The following MAP3K20 variants were observed in gnomAD, a reference collection of about 807,000 sequenced individuals.
MAP3K20 encodes HCCS-4.
In MAP3K20, 40 loss-of-function variants were observed where a neutral mutation model predicts 85.7. That is an observed-to-expected ratio of 0.47 (90% CI 0.36 to 0.61). MAP3K20 has a LOEUF of 0.61. Ranked by LOEUF, MAP3K20 falls within the 20% of genes least tolerant of loss-of-function variation. The pLI is 0.00. For missense variants in MAP3K20, 817 were observed against 961.7 expected (o/e 0.85, Z 1.99); for synonymous variants, 325 against 327.7 (o/e 0.99, Z 0.09).
intron 2 of MAP3K20, among the ~76,000 whole-genome samples, chr2:173,125,082 G>A (rs1688404083): frequency 6.6e-6 from 1 of 152,194 alleles, no homozygotes; most frequent in Non-Finnish European, 1.5e-5. Context: ...AGGAGGGTAA[G>A]GTGTGGATGT....
At chr2:173,123,660 G>T (rs1490901522) in intron 2 of MAP3K20, among the ~76,000 whole-genome samples, 2 of 152,166 alleles carry the variant, frequency 1.3e-5, no homozygotes, top group Non-Finnish European at 2.9e-5. Flanking sequence ...AATTCAACCA[G>T]ATGTTCCCCT....
chr2:173,205,378 T>C (rs1683650228), intron 9 of MAP3K20, among the ~76,000 whole-genome samples: 1 of 152,080 alleles, frequency 6.6e-6, no homozygotes, highest in Non-Finnish European at 1.5e-5. Flanking sequence ...TTCTACAATA[T>C]GTTTCTTTAA....
At chr2:173,218,201 A>C (rs1684132718) in intron 11 of MAP3K20, among the ~76,000 whole-genome samples, 1 of 152,218 alleles carries the variant, frequency 6.6e-6, no homozygotes, top group Non-Finnish European at 1.5e-5. Flanking sequence ...AAAAGTCTTA[A>C]TCTTCATTAA....
At chr2:173,262,764 T>C (rs1685327012) in intron 18 of MAP3K20, among the ~76,000 whole-genome samples, 1 of 152,202 alleles carries the variant, frequency 6.6e-6, no homozygotes, top group African/African-American at 2.4e-5. Context: ...TGTCAAAGCA[T>C]TGCTTGCAAG....
At chr2:173,235,626 G>T (rs1275990474) in intron 14 of MAP3K20, among the ~76,000 whole-genome samples, 5 of 152,184 alleles carry the variant, frequency 3.3e-5, no homozygotes, top group Admixed American at 2.6e-4. Flanking sequence ...CCCTTTGGGG[G>T]TGATGAAAAT....
At chr2:173,222,099 G>T in intron 11 of MAP3K20, 1 of 909,814 alleles carries the variant, frequency 1.1e-6, no homozygotes, top group South Asian at 5.1e-5. Context: ...ATACTTGGGA[G>T]GCCAAGGCAG....
intron 2 of MAP3K20, among the ~76,000 whole-genome samples, chr2:173,161,845 A>G (rs1425356664): frequency 2.6e-5 from 4 of 152,176 alleles, no homozygotes; most frequent in South Asian, 2.1e-4. Flanking sequence ...TCGGGAGAAA[A>G]TCACAGGTCA....
chr2:173,173,939 AT>A (rs1331628568), intron 3 of MAP3K20, among the ~76,000 whole-genome samples: 1 of 152,246 alleles, frequency 6.6e-6, no homozygotes, highest in Non-Finnish European at 1.5e-5. Context: ...TTCAAAAAAA[AT>A]GAAACAAATA....
chr2:173,252,948 C>A (rs972014679), intron 16 of MAP3K20, among the ~76,000 whole-genome samples: 2 of 152,188 alleles, frequency 1.3e-5, no homozygotes, highest in Middle Eastern at 3.2e-3. Flanking sequence ...TAAGAAGATA[C>A]GAATTTATTC....
intron 16 of MAP3K20, among the ~76,000 whole-genome samples, chr2:173,252,891 T>C (rs1685071620): frequency 6.6e-6 from 1 of 152,234 alleles, no homozygotes; most frequent in South Asian, 2.1e-4. Context: ...AATCAGGATA[T>C]GTGGAAGCAG....
intron 1 of MAP3K20, among the ~76,000 whole-genome samples, chr2:173,076,363 G>A (rs1171197704): frequency 2.6e-5 from 4 of 152,120 alleles, no homozygotes; most frequent in Admixed American, 2.0e-4. Context: ...CCGGGCGTGC[G>A]GCACGGGCAG....
chr2:173,229,935 G>A (rs1304878761), intron 12 of MAP3K20, among the ~76,000 whole-genome samples: 5 of 152,152 alleles, frequency 3.3e-5, no homozygotes, highest in East Asian at 3.9e-4. Context: ...AGGTTCAAGC[G>A]ATTCTCCTGC....
intron 11 of MAP3K20, chr2:173,221,083 C>T: frequency 1.5e-6 from 2 of 1,364,950 alleles, no homozygotes; most frequent in Non-Finnish European, 1.9e-6. Context: ...TTTGTGGTAT[C>T]TATTTTCCTG....
At chr2:173,251,681 G>A (rs1685045381) in intron 16 of MAP3K20, among the ~76,000 whole-genome samples, 1 of 152,170 alleles carries the variant, frequency 6.6e-6, no homozygotes. Flanking sequence ...GAAGGTTCTG[G>A]GGTACCGTAA....
chr2:173,137,443 G>A (rs978277472), intron 2 of MAP3K20, among the ~76,000 whole-genome samples: 2 of 152,122 alleles, frequency 1.3e-5, no homozygotes, highest in Non-Finnish European at 2.9e-5. Flanking sequence ...AAGTATGAAT[G>A]CAGAAGACAG....
intron 2 of MAP3K20, among the ~76,000 whole-genome samples, chr2:173,164,180 C>CTGCCTGTG (rs1343159505): frequency 6.6e-6 from 1 of 151,996 alleles, no homozygotes; most frequent in Non-Finnish European, 1.5e-5. Flanking sequence ...GGCTGGTCTC[C>CTGCCTGTG]AACTCCTGCC....
chr2:173,136,431 G>A (rs1397428802), intron 2 of MAP3K20, among the ~76,000 whole-genome samples: 4 of 152,196 alleles, frequency 2.6e-5, no homozygotes, highest in East Asian at 3.8e-4. Context: ...CAATCTGACA[G>A]TTTTCCATCA....
intron 9 of MAP3K20, 194 bp from the exon 10 acceptor site, chr2:173,209,535 C>G (rs1273748525): frequency 4.4e-6 from 2 of 452,360 alleles, no homozygotes; most frequent in African/African-American, 4.0e-5. Flanking sequence ...GAATAGTTCA[C>G]CGAAAATAAA....
intron 2 of MAP3K20, among the ~76,000 whole-genome samples, chr2:173,137,413 CTGTT>C (rs1288227399): frequency 2.6e-5 from 4 of 152,132 alleles, no homozygotes; most frequent in African/African-American, 7.2e-5. Context: ...CCTATGTTCT[CTGTT>C]TGGGAAGGCA....
Sources: gnomAD v4.1 joint callset for allele counts (sites outside exome capture counted in the v4.1 genomes callset) on GRCh38, gnomAD v4.1.1 for gene constraint, MANE v1.5 for transcripts, NCBI Gene and HGNC (gene_info 2026-07-23, HGNC 2026-07-21) for gene names.